SIPA1L1: variants seen among roughly 807,000 people sequenced by gnomAD.
SIPA1L1 encodes signal induced proliferation associated 1 like 1.
In SIPA1L1, 26 loss-of-function variants were observed where a neutral mutation model predicts 162.7. That is an observed-to-expected ratio of 0.16 (90% CI 0.12 to 0.22). SIPA1L1 has a LOEUF of 0.22. Ranked by LOEUF, SIPA1L1 falls within the 10% of genes least tolerant of loss-of-function variation. The pLI is 1.00. For missense variants in SIPA1L1, 1,874 were observed against 2,241.0 expected (o/e 0.84, Z 3.31); for synonymous variants, 829 against 837.4 (o/e 0.99, Z 0.17).
intron 2 of SIPA1L1, among the ~76,000 whole-genome samples, chr14:71,410,345 A>G (rs552796249): frequency 2.4e-4 from 37 of 152,304 alleles, no homozygotes; most frequent in Non-Finnish European, 3.8e-4. Flanking sequence ...TCAAATTTTC[A>G]GGAAGTATAA....
chr14:71,457,380 A>G (rs1443993860), intron 2 of SIPA1L1, among the ~76,000 whole-genome samples: 2 of 151,562 alleles, frequency 1.3e-5, no homozygotes, highest in Non-Finnish European at 2.9e-5. Flanking sequence ...GCTCACTGCA[A>G]CCTCCGCCTC....
chr14:71,358,448 A>G (rs567303017), intron 2 of SIPA1L1, among the ~76,000 whole-genome samples: 2 of 152,292 alleles, frequency 1.3e-5, no homozygotes, highest in African/African-American at 4.8e-5. Flanking sequence ...TAGTCGGTAC[A>G]AGTTAAGAAT....
chr14:71,646,947 A>G (rs2042222986), intron 7 of SIPA1L1, among the ~76,000 whole-genome samples: 1 of 152,220 alleles, frequency 6.6e-6, no homozygotes, highest in South Asian at 2.1e-4. Context: ...AAATCCCCAC[A>G]TCATGGCTTT....
At chr14:71,667,947 TC>T (rs1242798006) in intron 10 of SIPA1L1, among the ~76,000 whole-genome samples, 1 of 151,760 alleles carries the variant, frequency 6.6e-6, no homozygotes, top group Non-Finnish European at 1.5e-5. Flanking sequence ...CCCCTGTAGT[TC>T]CAGCTTCTGG....
Position 71,646,835 on chromosome 14 carries a change from T to A in SIPA1L1, c.1819-3500T>A. Among the ~76,000 whole-genome samples, 3 of 152,202 alleles carry A rather than the reference T, an allele frequency of 2.0e-5. 1 individual carries two copies. The highest frequency in any genetic ancestry group is 4.4e-5 in the Non-Finnish European group (3 of 68,022). ...TGTCATCATAACTCTATTTTGATCA[T>A]TACCTTAAAGTATTGTATATGTAGA... On this transcript the variant is annotated intron_variant, in intron 7 of 23. Coordinates refer to ENST00000381232, the MANE Select transcript of SIPA1L1 (RefSeq NM_001386936.1).
intron 2 of SIPA1L1, among the ~76,000 whole-genome samples, chr14:71,324,187 G>A (rs2033508267): frequency 6.6e-6 from 1 of 152,102 alleles, no homozygotes; most frequent in African/African-American, 2.4e-5. Flanking sequence ...TTTGTAATAG[G>A]GTTTTCTTAC....
intron 2 of SIPA1L1, among the ~76,000 whole-genome samples, chr14:71,422,950 G>A (rs532441207): frequency 1.3e-5 from 2 of 152,224 alleles, no homozygotes; most frequent in African/African-American, 4.8e-5. Context: ...TACCAACAGT[G>A]CACAAAGATT....
rs140234667 is a variant in SIPA1L1, at chr14:71,709,599, C to T, written c.4143C>T (p.Ala1381=). Residue 1381 remains alanine, a synonymous_variant, in exon 17 of 24, where the codon GCC becomes GCT. Coordinates refer to ENST00000381232, the MANE Select transcript of SIPA1L1 (RefSeq NM_001386936.1). ...LSLDIHSKSQ[A]GSTPLTRENS... Reference sequence around the variant, plus strand: ...TAGACATACACAGCAAGAGCCAAGCCGGCTCGACCCCTCTGACAAGGGAGA... The same window carrying T: ...TAGACATACACAGCAAGAGCCAAGCTGGCTCGACCCCTCTGACAAGGGAGA... The T allele has an allele frequency of 2.2e-5, 36 of 1,614,046 alleles. No homozygotes were observed. In the East Asian group the frequency reaches 2.7e-4, roughly 12 times the overall value.
rs765481097 is a variant in SIPA1L1, at chr14:71,589,078, G to T, written c.1206G>T (p.Gln402His). 1 of 1,614,144 alleles carries T rather than the reference G, an allele frequency of 6.2e-7. No individual in the cohort carries two copies. The highest frequency in any genetic ancestry group is 1.1e-5 in the South Asian group (1 of 91,084). The change falls in exon 5 of 24, where the codon CAG becomes CAT. Residue 402 changes from glutamine to histidine, a missense_variant. Physicochemically the swap from Gln to His is conservative, Grantham distance 24. Coordinates refer to ENST00000381232, the MANE Select transcript of SIPA1L1 (RefSeq NM_001386936.1). Reference sequence around the variant, plus strand: ...CCAAAGGAAGCCTCAGCATGGACCAGGGAGATGATAAAAGCAATGAGCTTG... The same window carrying T: ...CCAAAGGAAGCCTCAGCATGGACCATGGAGATGATAAAAGCAATGAGCTTG... ...LNSKGSLSMD[Q>H]GDDKSNELVM...
chr14:71,663,080 T>G (rs927215603), intron 10 of SIPA1L1, among the ~76,000 whole-genome samples: 1 of 152,250 alleles, frequency 6.6e-6, no homozygotes, highest in Non-Finnish European at 1.5e-5. Context: ...AATGGGACTA[T>G]AATGCAAGCT....
chr14:71,405,421 A>G (rs1053956689), intron 2 of SIPA1L1, among the ~76,000 whole-genome samples: 3 of 152,224 alleles, frequency 2.0e-5, no homozygotes, highest in Non-Finnish European at 4.4e-5. Flanking sequence ...GACCATAGCA[A>G]GAAACTTGGC....
rs186003306 is a variant in SIPA1L1, at chr14:71,348,823, G to C, written c.-465+27642G>C. Among the ~76,000 whole-genome samples, 12 of 152,280 alleles carry C rather than the reference G, an allele frequency of 7.9e-5. No individual in the cohort carries two copies. The East Asian group carries it at 2.3e-3, about 29-fold the overall frequency. On this transcript the variant is annotated intron_variant, in intron 2 of 23. Coordinates refer to ENST00000381232, the MANE Select transcript of SIPA1L1 (RefSeq NM_001386936.1). ...GAGAAGGGTAGAATATGAAAGATGA[G>C]AGTAAAGCAAACAAGTTCTTACTCA...
chr14:71,575,531 G>T (rs1005625033), intron 4 of SIPA1L1, among the ~76,000 whole-genome samples: 1 of 152,138 alleles, frequency 6.6e-6, no homozygotes, highest in East Asian at 1.9e-4. Context: ...GAGGGTAAAA[G>T]ATAAAAATTA....
chr14:71,579,661 G>T (rs1210252418), intron 4 of SIPA1L1, among the ~76,000 whole-genome samples: 1 of 152,090 alleles, frequency 6.6e-6, no homozygotes, highest in Non-Finnish European at 1.5e-5. Flanking sequence ...TAGGTTCTTG[G>T]GTGGTATTTC....
chr14:71,656,610 T>TCCAA (rs2043080628), intron 8 of SIPA1L1, among the ~76,000 whole-genome samples: 1 of 152,246 alleles, frequency 6.6e-6, no homozygotes, highest in African/African-American at 2.4e-5. Context: ...ATTTATATGT[T>TCCAA]GTTACATAGT....
chr14:71,609,438 TTTTATTTATTTA>T (rs57449706), intron 5 of SIPA1L1, among the ~76,000 whole-genome samples: 1,957 of 140,166 alleles, frequency 0.014, 20 homozygotes, highest in South Asian at 0.064. Context: ...CCAGCTAATA[TTTTATTTATTTA>T]TTTATTTATT....
At chr14:71,664,518 G>A (rs1291680364) in intron 10 of SIPA1L1, among the ~76,000 whole-genome samples, 2 of 151,900 alleles carry the variant, frequency 1.3e-5, no homozygotes, top group Non-Finnish European at 2.9e-5. Flanking sequence ...GGGTAAATGG[G>A]GTATCCATCA....
At chr14:71,348,222 T>C (rs1335648845) in intron 2 of SIPA1L1, among the ~76,000 whole-genome samples, 1 of 152,170 alleles carries the variant, frequency 6.6e-6, no homozygotes, top group Non-Finnish European at 1.5e-5. Context: ...ACAGAGACTA[T>C]TACCAGCCCC....
intron 5 of SIPA1L1, among the ~76,000 whole-genome samples, chr14:71,612,495 A>G (rs1367295003): frequency 6.6e-6 from 1 of 152,214 alleles, no homozygotes; most frequent in Non-Finnish European, 1.5e-5. Flanking sequence ...GCAATAAATT[A>G]TAACTTTACA....
Sources: allele counts gnomAD v4.1 joint callset (sites outside exome capture counted in the v4.1 genomes callset), GRCh38; gene constraint gnomAD v4.1.1; transcripts MANE v1.5; gene names NCBI Gene and HGNC (gene_info 2026-07-23, HGNC 2026-07-21).